Variants in NR5A2 observed in about 807,000 individuals in gnomAD.
NR5A2 encodes the protein CYP7A promoter-binding factor.
A neutral mutation model predicts 62.7 loss-of-function variants in NR5A2; 26 were observed. That is an observed-to-expected ratio of 0.41 (90% CI 0.30 to 0.58). The LOEUF is 0.58. Ranked by LOEUF, NR5A2 falls within the 20% of genes least tolerant of loss-of-function variation. The pLI is 0.22. For synonymous variants in NR5A2, 246 were observed against 241.7 expected (o/e 1.02, Z -0.16); for missense variants, 541 against 669.1 (o/e 0.81, Z 2.11).
intron 5 of NR5A2, among the ~76,000 whole-genome samples, chr1:200,049,026 TG>T (rs919012079): frequency 6.6e-6 from 1 of 152,014 alleles, no homozygotes; most frequent in South Asian, 2.1e-4. Context: ...GCTCTTAGTT[TG>T]GGGGGGCTGG....
intron 7 of NR5A2, among the ~76,000 whole-genome samples, chr1:200,165,543 T>C (rs1653862894): frequency 6.6e-6 from 1 of 152,224 alleles, no homozygotes; most frequent in Non-Finnish European, 1.5e-5. Flanking sequence ...ACCACCCATC[T>C]TTTTATTGTC....
chr1:200,028,809 T>C (rs1661442162), intron 1 of NR5A2, among the ~76,000 whole-genome samples: 1 of 152,108 alleles, frequency 6.6e-6, no homozygotes, highest in African/African-American at 2.4e-5. Flanking sequence ...CTCAGCTCCA[T>C]TATAACAAGA....
intron 7 of NR5A2, among the ~76,000 whole-genome samples, chr1:200,127,676 CAAAAAAAAAAAAAA>C (rs71132666): frequency 2.3e-4 from 6 of 25,602 alleles, no homozygotes; most frequent in Non-Finnish European, 3.9e-4. Context: ...GACTCTGTCT[CAAAAAAAAAAAAAA>C]AAAAAAAAAA....
intron 5 of NR5A2, among the ~76,000 whole-genome samples, chr1:200,074,471 G>C (rs1053808708): frequency 6.6e-6 from 1 of 151,210 alleles, no homozygotes; most frequent in Non-Finnish European, 1.5e-5. Context: ...GGTGCGGTGG[G>C]TCACGTCTGT....
chr1:200,136,782 A>G (rs1452592758), intron 7 of NR5A2, among the ~76,000 whole-genome samples: 1 of 152,208 alleles, frequency 6.6e-6, no homozygotes, highest in African/African-American at 2.4e-5. Flanking sequence ...AGGGCTGAGT[A>G]ACAATCCTGC....
intron 7 of NR5A2, among the ~76,000 whole-genome samples, chr1:200,145,269 C>T (rs1667640082): frequency 1.3e-5 from 2 of 152,116 alleles, no homozygotes; most frequent in African/African-American, 4.8e-5. Context: ...GAGACTGAGA[C>T]ACTGCACTCC....
chr1:200,156,329 A>T (rs1324015238), intron 7 of NR5A2, among the ~76,000 whole-genome samples: 2 of 152,188 alleles, frequency 1.3e-5, no homozygotes, highest in Non-Finnish European at 2.9e-5. Context: ...CTACTGAAAC[A>T]ACTTTTTGAC....
chr1:200,173,462 C>T (rs1353730449), intron 7 of NR5A2, among the ~76,000 whole-genome samples: 1 of 152,206 alleles, frequency 6.6e-6, no homozygotes, highest in African/African-American at 2.4e-5. Flanking sequence ...CAAAGACTTT[C>T]AGAATCATTT....
At chr1:200,157,649 T>C (rs1359512759) in intron 7 of NR5A2, among the ~76,000 whole-genome samples, 1 of 152,228 alleles carries the variant, frequency 6.6e-6, no homozygotes, top group African/African-American at 2.4e-5. Context: ...CATATACAAA[T>C]ACATATCCCT....
intron 5 of NR5A2, among the ~76,000 whole-genome samples, chr1:200,078,856 G>A (rs375266364): frequency 1.3e-5 from 2 of 152,082 alleles, no homozygotes; most frequent in South Asian, 2.1e-4. Flanking sequence ...ATTTATAAGC[G>A]ATAGTAAAAC....
At chr1:200,151,721 C>T (rs1418296470) in intron 7 of NR5A2, among the ~76,000 whole-genome samples, 1 of 152,154 alleles carries the variant, frequency 6.6e-6, no homozygotes, top group Middle Eastern at 3.2e-3. Flanking sequence ...GTATTTAATG[C>T]GATTCCTACG....
intron 7 of NR5A2, among the ~76,000 whole-genome samples, chr1:200,169,106 A>C (rs1415915305): frequency 6.6e-6 from 1 of 152,112 alleles, no homozygotes; most frequent in Non-Finnish European, 1.5e-5. Flanking sequence ...GACCGGGAGT[A>C]GCTGAGGCCA....
chr1:200,115,179 T>G (rs1488132711), intron 6 of NR5A2, among the ~76,000 whole-genome samples: 1 of 152,222 alleles, frequency 6.6e-6, no homozygotes, highest in Non-Finnish European at 1.5e-5. Flanking sequence ...ATTATTTTAA[T>G]ATTAAGAAAA....
At chr1:200,047,598 AG>A (rs1464921172) in intron 4 of NR5A2, among the ~76,000 whole-genome samples, 3 of 82,308 alleles carry the variant, frequency 3.6e-5, no homozygotes. Flanking sequence ...TTTTTGAGAC[AG>A]GGGTTTCACT....
In NR5A2 at chr1:200,038,799, C is replaced by T. The variant is rs1465257299; in HGVS notation, c.65-859C>T. On this transcript the variant is annotated intron_variant, in intron 1 of 7. Coordinates refer to ENST00000367362, the MANE Select transcript of NR5A2 (RefSeq NM_205860.3). The stretch of plus-strand genomic sequence containing the variant: ...TAAGACCCGGCTGCATTTACATCCC[C>T]CCGCCCCGGGCCAGGGTGGGGTGGG... 3.1e-6 allele frequency: 4 copies of T among 1,299,530 alleles called. No individual in the cohort carries two copies. The African/African-American group carries it at 6.2e-5, about 20-fold the overall frequency. 80.5% of individuals were successfully genotyped at this position (1,299,530 alleles called of 1,614,324 possible). A position where few individuals can be genotyped will look rare whatever the true frequency, so the allele number is the denominator to read the frequency against.
chr1:200,095,448 C>T (rs1392774204), intron 5 of NR5A2, among the ~76,000 whole-genome samples: 4 of 152,172 alleles, frequency 2.6e-5, no homozygotes, highest in Non-Finnish European at 5.9e-5. Context: ...ACCTTGAGCA[C>T]CTGGCTGGAT....
At chr1:200,163,996 G>A (rs1290044405) in intron 7 of NR5A2, among the ~76,000 whole-genome samples, 1 of 151,964 alleles carries the variant, frequency 6.6e-6, no homozygotes, top group Admixed American at 6.6e-5. Flanking sequence ...AAAACACCAG[G>A]TCCCTCAGGG....
chr1:200,161,012 T>C (rs1042436810), intron 7 of NR5A2, among the ~76,000 whole-genome samples: 2 of 151,730 alleles, frequency 1.3e-5, no homozygotes, highest in Non-Finnish European at 1.5e-5. Flanking sequence ...AGAGGTTTTC[T>C]CTGAGGGAGG....
chr1:200,062,342 G>A (rs1663269184), intron 5 of NR5A2, among the ~76,000 whole-genome samples: 1 of 151,906 alleles, frequency 6.6e-6, no homozygotes, highest in Non-Finnish European at 1.5e-5. Flanking sequence ...CTCATTCTAA[G>A]GGCTGTTGTT....
Sources: gnomAD v4.1 joint callset for allele counts (sites outside exome capture counted in the v4.1 genomes callset) on GRCh38, gnomAD v4.1.1 for gene constraint, MANE v1.5 for transcripts, NCBI Gene and HGNC (gene_info 2026-07-23, HGNC 2026-07-21) for gene names.